Variants in GRB2 observed in about 807,000 individuals in gnomAD.
GRB2 encodes the protein growth factor receptor-bound protein 2.
GRB2 carries 2 observed loss-of-function variants against 27.4 expected under a neutral mutation model. That is an observed-to-expected ratio of 0.07 (90% confidence interval 0.03 to 0.23). The LOEUF (loss-of-function observed/expected upper bound fraction) is 0.23. Among genes scored for constraint, GRB2 ranks in the 10% least tolerant of loss-of-function variants. The pLI, the probability that GRB2 is intolerant of heterozygous loss-of-function variation, is 1.00. For missense variants in GRB2, 102 were observed against 282.4 expected (o/e 0.36, Z 4.58); for synonymous variants, 94 against 99.6 (o/e 0.94, Z 0.33).
chr17:75,362,065 C>A (rs1409527672), intron 2 of GRB2, among the ~76,000 whole-genome samples: 1 of 151,982 alleles, frequency 6.6e-6, no homozygotes, highest in Admixed American at 6.6e-5. Context: ...CCTAAGAGTA[C>A]CCACTGGCAT....
intron 2 of GRB2, among the ~76,000 whole-genome samples, chr17:75,369,959 A>G (rs1271301225): frequency 2.0e-5 from 3 of 152,192 alleles, no homozygotes; most frequent in African/African-American, 4.8e-5. Context: ...CAAAGCATAT[A>G]TATGTTCCTT....
intron 2 of GRB2, among the ~76,000 whole-genome samples, chr17:75,358,914 TAA>T (rs869178078): frequency 3.2e-5 from 1 of 30,986 alleles, no homozygotes; most frequent in African/African-American, 4.2e-5. Flanking sequence ...TATATATATA[TAA>T]ATATATATAT....
intron 4 of GRB2, among the ~76,000 whole-genome samples, chr17:75,324,691 A>G (rs929283245): frequency 6.8e-6 from 1 of 146,804 alleles, no homozygotes; most frequent in Non-Finnish European, 1.5e-5. Context: ...GTTATTTTCT[A>G]TTTTTAGCAG....
Position 75,382,933 on chromosome 17 carries a change from T to A in GRB2, c.78+10618A>T, listed in dbSNP as rs187445913. The stretch of plus-strand genomic sequence containing the variant: ...ACCATGTTAGCCAGGATGGTCTCGA[T>A]CTCCTGACCTCGTGATCCGCCTGCC... On this transcript the variant is annotated intron_variant, in intron 2 of 5. Transcript: ENST00000316804. 5.6e-3 allele frequency among the ~76,000 whole-genome samples: 851 copies of A among 152,178 alleles called. 10 individuals carry two copies. The highest frequency in any genetic ancestry group is 0.019 in the African/African-American group (797 of 41,520).
chr17:75,396,972 C>T (rs2079032626), intron 1 of GRB2, among the ~76,000 whole-genome samples: 1 of 152,184 alleles, frequency 6.6e-6, no homozygotes, highest in East Asian at 1.9e-4. Context: ...TACTACTCAA[C>T]AGCAGTACAA....
At chr17:75,392,806 T>C (rs1191409354) in intron 2 of GRB2, among the ~76,000 whole-genome samples, 2 of 152,188 alleles carry the variant, frequency 1.3e-5, no homozygotes, top group Non-Finnish European at 2.9e-5. Flanking sequence ...ATAATTAACA[T>C]GTGCTGGGGG....
intron 2 of GRB2, among the ~76,000 whole-genome samples, chr17:75,362,488 C>A (rs1368537558): frequency 6.6e-6 from 1 of 152,180 alleles, no homozygotes; most frequent in East Asian, 1.9e-4. Context: ...AAACTATTAA[C>A]AAGTTGGGAG....
In GRB2 at chr17:75,355,979, C is replaced by T. The variant is rs898853546; in HGVS notation, c.79-23182G>A. 3.3e-5 allele frequency among the ~76,000 whole-genome samples: 5 copies of T among 151,786 alleles called. No individual in the cohort carries two copies. The South Asian group carries it at 8.3e-4, about 25-fold the overall frequency. On this transcript the variant is annotated intron_variant, in intron 2 of 5. Transcript: ENST00000316804. ...TCGAGTAGCTGGGACTACAGACGCA[C>T]GCTGCCATGCCCGGCTAATTTTTTT...
Position 75,321,968 on chromosome 17 carries a change from C to T in GRB2, c.300-141G>A, listed in dbSNP as rs372492109. 1.9e-4 allele frequency: 132 copies of T among 705,640 alleles called. No individual in the cohort carries two copies. In the African/African-American group the frequency reaches 2.2e-3, roughly 12 times the overall value. 43.7% of individuals were successfully genotyped at this position (705,640 alleles called of 1,614,324 possible). A position where few individuals can be genotyped will look rare whatever the true frequency, so the allele number is the denominator to read the frequency against. On this transcript the variant is annotated intron_variant, in intron 4 of 5. Transcript: ENST00000316804. ...GACTGCAGAGCAACAAGTTTCCTCACTGGGTGTCCCTGGGACGGACCTCTC... is the reference window on the plus strand; with the variant it reads ...GACTGCAGAGCAACAAGTTTCCTCATTGGGTGTCCCTGGGACGGACCTCTC...
At chr17:75,323,380 T>A (rs868112768) in intron 4 of GRB2, among the ~76,000 whole-genome samples, 11 of 152,206 alleles carry the variant, frequency 7.2e-5, no homozygotes, top group African/African-American at 2.2e-4. Flanking sequence ...ACGGCACTTC[T>A]GGCCCCACAG....
At chr17:75,366,931 A>T (rs2078823788) in intron 2 of GRB2, among the ~76,000 whole-genome samples, 2 of 152,258 alleles carry the variant, frequency 1.3e-5, no homozygotes, top group Admixed American at 1.3e-4. Flanking sequence ...CCCAGGTAAA[A>T]TTTCCTGTGA....
intron 2 of GRB2, among the ~76,000 whole-genome samples, chr17:75,338,585 G>C (rs1383395765): frequency 6.6e-6 from 1 of 152,154 alleles, no homozygotes; most frequent in Non-Finnish European, 1.5e-5. Flanking sequence ...TGACTTTGTA[G>C]CCACACGACA....
rs943886694 is a variant in GRB2, at chr17:75,393,708, C to A, written c.-80G>T. ...TGCTGAAGCAACCCAGCGCTCTGGGCTTAGCCTCGCCTCTCTTCTGGGACT... is the reference window on the plus strand; with the variant it reads ...TGCTGAAGCAACCCAGCGCTCTGGGATTAGCCTCGCCTCTCTTCTGGGACT... On this transcript the variant is annotated 5_prime_UTR_variant, in exon 2 of 6. Coordinates refer to ENST00000316804, the MANE Select transcript of GRB2 (RefSeq NM_002086.5). The A allele has an allele frequency of 5.4e-6, 6 of 1,106,270 alleles. No homozygotes were observed. Among genetic ancestry groups the A allele is most frequent in the Admixed American group, 5.3e-5 (3 of 56,476 alleles). 68.5% of individuals were successfully genotyped at this position (1,106,270 alleles called of 1,614,324 possible).
intron 2 of GRB2, among the ~76,000 whole-genome samples, chr17:75,343,749 G>A (rs1022048514): frequency 5.3e-5 from 8 of 152,110 alleles, no homozygotes; most frequent in African/African-American, 1.2e-4. Flanking sequence ...ACTGTCTTGC[G>A]TTTTGTGACA....
chr17:75,340,962 G>T (rs556049480), intron 2 of GRB2, among the ~76,000 whole-genome samples: 1 of 152,258 alleles, frequency 6.6e-6, no homozygotes, highest in Non-Finnish European at 1.5e-5. Flanking sequence ...AACACAGAGA[G>T]AACAGTTCTC....
intron 2 of GRB2, among the ~76,000 whole-genome samples, chr17:75,348,657 T>G (rs1239581693): frequency 3.9e-5 from 6 of 152,132 alleles, no homozygotes; most frequent in African/African-American, 1.4e-4. Context: ...GACACAGAAT[T>G]CACCGCTACA....
At chr17:75,374,540 G>GC (rs2078879188) in intron 2 of GRB2, among the ~76,000 whole-genome samples, 1 of 151,920 alleles carries the variant, frequency 6.6e-6, no homozygotes. Context: ...GATTAGCCTG[G>GC]CAACATGGAA....
chr17:75,359,870 G>A (rs922550482), intron 2 of GRB2, among the ~76,000 whole-genome samples: 5 of 151,834 alleles, frequency 3.3e-5, no homozygotes, highest in African/African-American at 4.8e-5. Flanking sequence ...TAGTAGCCTC[G>A]GCTATTAATC....
chr17:75,374,035 T>A (rs866965567), intron 2 of GRB2, among the ~76,000 whole-genome samples: 12 of 151,742 alleles, frequency 7.9e-5, no homozygotes, highest in African/African-American at 2.7e-4. Context: ...GACCTCACGA[T>A]CCGCCCACCT....
Sources: allele counts gnomAD v4.1 joint callset (sites outside exome capture counted in the v4.1 genomes callset), GRCh38; gene constraint gnomAD v4.1.1; transcripts MANE v1.5; gene names NCBI Gene and HGNC (gene_info 2026-07-23, HGNC 2026-07-21).